The following EMC2 variants were observed in gnomAD, a reference collection of about 807,000 sequenced individuals.
The protein encoded by EMC2 is ER membrane protein complex subunit 2.
EMC2 carries 37 observed loss-of-function variants against 51.6 expected under a neutral mutation model. That is an observed-to-expected ratio of 0.72 (90% CI 0.55 to 0.94). The LOEUF is 0.94. EMC2 is among the 40% of genes least tolerant of loss of function. The pLI, the probability that EMC2 is intolerant of heterozygous loss-of-function variation, is 0.00. For synonymous variants in EMC2, 131 were observed against 112.4 expected, an observed-to-expected ratio of 1.17 and a Z score of -1.04; for missense variants, 359 against 350.9, an observed-to-expected ratio of 1.02 and a Z score of -0.18.
At chr8:108,449,470 G>A (rs1021175346) in intron 1 of EMC2, among the ~76,000 whole-genome samples, 7 of 152,042 alleles carry the variant, frequency 4.6e-5, no homozygotes, top group Admixed American at 1.3e-4. Context: ...ACAAGGTTTC[G>A]CCACGTTGGC....
chr8:108,476,983 T>G, intron 9 of EMC2, 91 bp downstream of exon 9: 1 of 629,806 alleles, frequency 1.6e-6, no homozygotes, highest in Non-Finnish European at 2.8e-6. Context: ...TCTCCTGTTT[T>G]TTGTATTTTA....
Position 108,443,635 on chromosome 8 carries a change from C to G in EMC2, c.-24C>G. 4 of 1,603,282 alleles carry G rather than the reference C, an allele frequency of 2.5e-6. No individual in the cohort carries two copies. The highest frequency in any genetic ancestry group is 3.4e-6 in the Non-Finnish European group (4 of 1,174,696). On this transcript the variant is annotated 5_prime_UTR_variant, in exon 1 of 11. Transcript: ENST00000220853. The stretch of plus-strand genomic sequence containing the variant: ...GACTGCGTCTCCCCGCCCTCTCACC[C>G]CGCTGCCTCTAGGTTCTGGGAAGAT...
In EMC2 at chr8:108,488,274, G is replaced by A. The variant is rs1247402791; in HGVS notation, c.*1676G>A. Among the ~76,000 whole-genome samples, 2 of 151,106 alleles carry A rather than the reference G, an allele frequency of 1.3e-5. No homozygotes were observed. The highest frequency in any genetic ancestry group is 2.9e-5 in the Non-Finnish European group (2 of 67,916). On this transcript the variant is annotated 3_prime_UTR_variant, in exon 11 of 11. Coordinates refer to ENST00000220853, the MANE Select transcript of EMC2 (RefSeq NM_014673.5). ...CCTCCCGGGTTCAAGCGATTCTTGT[G>A]CCTCAGCCTCTGAGTAGCTGGGACT...
intron 4 of EMC2, among the ~76,000 whole-genome samples, chr8:108,454,977 T>A (rs1167365191): frequency 2.0e-5 from 3 of 152,054 alleles, no homozygotes; most frequent in Non-Finnish European, 2.9e-5. Flanking sequence ...ATGTGTTTTT[T>A]TCTTCTGGCA....
At chr8:108,450,019 A>G in intron 2 of EMC2, 83 bp downstream of exon 2, 1 of 531,304 alleles carries the variant, frequency 1.9e-6, no homozygotes, top group Non-Finnish European at 3.3e-6. Context: ...TTCATTCATG[A>G]TTTTTCTACT....
chr8:108,469,308 T>C (rs1337710268), intron 5 of EMC2, among the ~76,000 whole-genome samples: 1 of 152,204 alleles, frequency 6.6e-6, no homozygotes, highest in Non-Finnish European at 1.5e-5. Flanking sequence ...CTAATTGTTT[T>C]GCTTATCATA....
In EMC2 at chr8:108,479,023, T is replaced by A; in HGVS notation, c.720T>A (p.Ala240=). 1 of 1,577,126 alleles carries A rather than the reference T, an allele frequency of 6.3e-7. No homozygotes were observed. The highest frequency in any genetic ancestry group is 1.2e-5 in the South Asian group (1 of 84,276). ...GTTTTTAGTCGGCAAGTCATATTGCTTCTAATCCAAAAGCAAGTGCAAAAA... is the reference window on the plus strand; with the variant it reads ...GTTTTTAGTCGGCAAGTCATATTGCATCTAATCCAAAAGCAAGTGCAAAAA... ...FGLYMSASHI[A]SNPKASAKTK... Residue 240 remains alanine, a synonymous_variant, in exon 10 of 11, where the codon GCT becomes GCA. Coordinates refer to ENST00000220853, the MANE Select transcript of EMC2 (RefSeq NM_014673.5).
intron 5 of EMC2, among the ~76,000 whole-genome samples, chr8:108,460,927 T>C (rs535186905): frequency 2.0e-5 from 3 of 152,314 alleles, no homozygotes; most frequent in African/African-American, 7.2e-5. Context: ...TCATGAACCA[T>C]CAAAGAGTTG....
rs1343157628 is a variant in EMC2, at chr8:108,476,963, CA to C, written c.702+73del. On this transcript the variant is annotated intron_variant, in intron 9 of 10. Coordinates refer to ENST00000220853, the MANE Select transcript of EMC2 (RefSeq NM_014673.5). ...TTAAAATCCATTTAACTATCCCCTT[CA>C]ATCACTCCTCTCCTGTTTTTTGTAT... 4 of 741,802 alleles carry C rather than the reference CA, an allele frequency of 5.4e-6. No homozygotes were observed. In the African/African-American group the frequency reaches 7.1e-5, roughly 13 times the overall value. The allele number at this position is 741,802 out of a possible 1,614,324, so 46.0% of individuals were successfully genotyped here. A position where few individuals can be genotyped will look rare whatever the true frequency, so the allele number is the denominator to read the frequency against.
intron 3 of EMC2, among the ~76,000 whole-genome samples, chr8:108,451,916 G>T (rs1202884657): frequency 6.6e-6 from 1 of 152,100 alleles, no homozygotes; most frequent in Non-Finnish European, 1.5e-5. Flanking sequence ...TGATTAACTT[G>T]AATATTTTTC....
At chr8:108,461,244 G>A (rs1454160990) in intron 5 of EMC2, among the ~76,000 whole-genome samples, 1 of 152,216 alleles carries the variant, frequency 6.6e-6, no homozygotes, top group Non-Finnish European at 1.5e-5. Context: ...TGGATATCCA[G>A]TATAGAAATG....
At chr8:108,482,621 G>A (rs1811063705) in intron 10 of EMC2, among the ~76,000 whole-genome samples, 1 of 150,730 alleles carries the variant, frequency 6.6e-6, no homozygotes, top group South Asian at 2.1e-4. Context: ...GGTTGGTTCT[G>A]TTGCCCAGGC....
chr8:108,477,922 G>A (rs1190998511), intron 9 of EMC2, among the ~76,000 whole-genome samples: 2 of 152,008 alleles, frequency 1.3e-5, no homozygotes, highest in African/African-American at 4.8e-5. Context: ...GTGAAACTGA[G>A]ACACAGATTT....
At chr8:108,449,547 C>G (rs1375200423) in intron 1 of EMC2, among the ~76,000 whole-genome samples, 1 of 152,216 alleles carries the variant, frequency 6.6e-6, no homozygotes, top group African/African-American at 2.4e-5. Context: ...CCTGGCATTA[C>G]TGATGTAAGC....
At chr8:108,472,251 G>C (rs1174264515) in intron 7 of EMC2, among the ~76,000 whole-genome samples, 2 of 151,128 alleles carry the variant, frequency 1.3e-5, no homozygotes, top group African/African-American at 4.9e-5. Context: ...ATCAAATTTA[G>C]GTTATACCTT....
At chr8:108,475,178 A>G (rs763739333) in intron 7 of EMC2, 1 of 151,922 alleles carries the variant, frequency 6.6e-6, no homozygotes, top group Non-Finnish European at 1.5e-5. Context: ...AACGTTTAAA[A>G]TATATTTAGT....
chr8:108,485,057 A>C (rs894258067), intron 10 of EMC2, among the ~76,000 whole-genome samples: 13 of 151,858 alleles, frequency 8.6e-5, no homozygotes, highest in Non-Finnish European at 1.5e-5. Context: ...TACAGAAACT[A>C]ATCTAATGGT....
In EMC2 at chr8:108,480,718, T is replaced by C. The variant is rs1423672924; in HGVS notation, c.807+1608T>C. Among the ~76,000 whole-genome samples the C allele has an allele frequency of 5.3e-5, 8 of 152,198 alleles. No homozygotes were observed. The East Asian group carries it at 1.2e-3, about 22-fold the overall frequency. ...CCTCCTTGTCTGAACCATCTCTCCT[T>C]CTTGCCCTGGTGTTTCTGCCCTGTT... On this transcript the variant is annotated intron_variant, in intron 10 of 10. Coordinates refer to ENST00000220853, the MANE Select transcript of EMC2 (RefSeq NM_014673.5).
At chr8:108,455,773 A>G in intron 4 of EMC2, 100 bp from the exon 5 acceptor site, 1 of 483,470 alleles carries the variant, frequency 2.1e-6, no homozygotes, top group Non-Finnish European at 3.7e-6. Context: ...ATGCATTTAA[A>G]TTAAAATATT....
Sources: gnomAD v4.1 joint callset for allele counts (sites outside exome capture counted in the v4.1 genomes callset) on GRCh38, gnomAD v4.1.1 for gene constraint, MANE v1.5 for transcripts, NCBI Gene and HGNC (gene_info 2026-07-23, HGNC 2026-07-21) for gene names.